The following FAHD1 variants were observed in gnomAD, a reference collection of about 807,000 sequenced individuals.
The protein encoded by FAHD1 is FAH domain containing oxaloacetate decarboxylase 1.
A neutral mutation model predicts 12.7 loss-of-function variants in FAHD1; 14 were observed. The observed-to-expected ratio is 1.10, with a 90% CI of 0.73 to 1.72. The LOEUF (loss-of-function observed/expected upper bound fraction) is 1.72, where lower values mean the gene tolerates loss of function less well. FAHD1 is among the 40% of genes most tolerant of loss of function. The pLI is 0.00. For synonymous variants in FAHD1, 153 were observed against 124.9 expected (o/e 1.22, Z -1.50); for missense variants, 351 against 298.9 (o/e 1.17, Z -1.29).
chr16:1,833,227 G>C (rs545127506), downstream of FAHD1, among the ~76,000 whole-genome samples: 2 of 152,150 alleles, frequency 1.3e-5, no homozygotes, highest in Non-Finnish European at 2.9e-5. Flanking sequence ...AGTGGCAGCT[G>C]TCGTCCTCAT....
intron 2 of FAHD1, among the ~76,000 whole-genome samples, chr16:1,838,451 G>C (rs776706678): frequency 6.6e-6 from 1 of 152,160 alleles, no homozygotes; most frequent in Non-Finnish European, 1.5e-5. Flanking sequence ...TCATGAGCTG[G>C]TTTTAACAAT....
chr16:1,835,855 C>G (rs1018825226), intron 1 of FAHD1, among the ~76,000 whole-genome samples: 1 of 138,400 alleles, frequency 7.2e-6, no homozygotes, highest in Non-Finnish European at 1.5e-5. Context: ...TCTTCCAATT[C>G]CTTTTTCTTT....
chr16:1,831,752 T>G (rs1231654132), downstream of FAHD1, among the ~76,000 whole-genome samples: 1 of 152,106 alleles, frequency 6.6e-6, no homozygotes, highest in African/African-American at 2.4e-5. Flanking sequence ...GAGTTCTGCT[T>G]CCCGTCAGAT....
intron 2 of FAHD1, chr16:1,838,155 G>T: frequency 1.9e-6 from 1 of 514,546 alleles, no homozygotes; most frequent in South Asian, 3.5e-5. Flanking sequence ...CTCTTCTCTG[G>T]CTAATTGTTT....
At chr16:1,827,723 T>C in exon 1 of FAHD1, 2 of 1,614,166 alleles carry the variant, frequency 1.2e-6, no homozygotes, top group Admixed American at 1.7e-5. Context: ...ACATCCTCCA[T>C]GATTTTTTCC....
At chr16:1,831,164 ATG>A (rs1898615489), downstream of FAHD1, among the ~76,000 whole-genome samples, 1 of 152,224 alleles carries the variant, frequency 6.6e-6, no homozygotes, top group Non-Finnish European at 1.5e-5. Flanking sequence ...TTATAAAAAA[ATG>A]AGTATTACAC....
At position 1,835,858 on chromosome 16, in the gene FAHD1, TTTTC is replaced by T. The variant is rs1281487845; in HGVS notation, c.628-2154_628-2151del. The stretch of plus-strand genomic sequence containing the variant: ...CTATGTATCTATTCTTCCAATTCCT[TTTTC>T]TTTTTTTTTTTTTTTGAGACACAGT... On this transcript the variant is annotated intron_variant, in intron 1 of 2. Coordinates refer to the FAHD1 transcript ENST00000382666. Among the ~76,000 whole-genome samples, 513 of 129,016 alleles carry T rather than the reference TTTTC, an allele frequency of 4.0e-3. 3 individuals are homozygous for T. Among genetic ancestry groups the T allele is most frequent in the African/African-American group, 0.014 (492 of 33,938 alleles). 84.6% of individuals were successfully genotyped at this position (129,016 alleles called of 152,430 possible).
At position 1,839,287 on chromosome 16, in the gene FAHD1, C is replaced by T. The variant is rs777438650; in HGVS notation, c.*34C>T. ...CCCAAAGTCTCCTCAGCAACACTTC[C>T]TGTGAGACTACAGGAATGAAGGGTG... is the stretch of plus-strand genomic sequence containing the variant. On this transcript the variant is annotated 3_prime_UTR_variant, in exon 3 of 3. Coordinates refer to the FAHD1 transcript ENST00000382666. The T allele has an allele frequency of 1.8e-4, 292 of 1,613,424 alleles. 2 individuals are homozygous for T. The highest frequency in any genetic ancestry group is 2.4e-4 in the Non-Finnish European group (287 of 1,179,816).
downstream of FAHD1, among the ~76,000 whole-genome samples, chr16:1,829,874 TC>T (rs201352506): frequency 6.6e-6 from 1 of 152,068 alleles, no homozygotes; most frequent in African/African-American, 2.4e-5. Context: ...CTTTCTTTTT[TC>T]TTTTTGAGAT....
intron 1 of FAHD1, chr16:1,834,444 T>C (rs1316395807): frequency 3.9e-6 from 3 of 762,516 alleles, no homozygotes; most frequent in Non-Finnish European, 6.8e-6. Flanking sequence ...AAATCAATGA[T>C]CACGAATAGA....
chr16:1,838,857 A>G (rs1898820107), intron 2 of FAHD1, among the ~76,000 whole-genome samples: 1 of 151,932 alleles, frequency 6.6e-6, no homozygotes, highest in Non-Finnish European at 1.5e-5. Context: ...ACACCCAGCT[A>G]ATTTTTGTAT....
At chr16:1,830,377 G>A (rs1375934361), downstream of FAHD1, among the ~76,000 whole-genome samples, 3 of 152,248 alleles carry the variant, frequency 2.0e-5, no homozygotes, top group Non-Finnish European at 2.9e-5. Context: ...AAGTGGAAGA[G>A]TTGGATCAAA....
chr16:1,830,790 C>G (rs143695332), downstream of FAHD1, among the ~76,000 whole-genome samples: 3 of 152,250 alleles, frequency 2.0e-5, no homozygotes, highest in South Asian at 6.2e-4. Context: ...ATACAATGAA[C>G]TCCATATGCC....
At chr16:1,839,210 T>C in intron 2 of FAHD1, 1 of 1,497,476 alleles carries the variant, frequency 6.7e-7, no homozygotes, top group Non-Finnish European at 8.9e-7. Flanking sequence ...GAAAAAGCAT[T>C]CACTTTGGAA....
exon 2 of FAHD1, chr16:1,838,030 T>C: frequency 7.4e-7 from 1 of 1,356,714 alleles, no homozygotes; most frequent in Non-Finnish European, 9.9e-7. Context: ...AGGGTCTCAC[T>C]CTGTCGCCCA....
Position 1,834,348 on chromosome 16 carries a change from C to A in FAHD1, c.628-3668C>A, listed in dbSNP as rs1028403928. On this transcript the variant is annotated intron_variant, in intron 1 of 2. Coordinates refer to the FAHD1 transcript ENST00000382666. ...ACACTAATTTTCAATCCACTCCTTG[C>A]TCTGTGTGATAGAACGAACTGCGAG... 5.0e-6 allele frequency: 8 copies of A among 1,607,952 alleles called. No individual in the cohort carries two copies. The African/African-American group carries it at 9.4e-5, about 19-fold the overall frequency.
intron 1 of FAHD1, chr16:1,837,975 T>C: frequency 6.9e-7 from 1 of 1,443,606 alleles, no homozygotes; most frequent in African/African-American, 1.4e-5. Flanking sequence ...TGAAATTTTA[T>C]TTGCAGTAAT....
exon 1 of FAHD1, chr16:1,827,360 T>A (rs1294582512): frequency 6.2e-7 from 1 of 1,612,910 alleles, no homozygotes; most frequent in African/African-American, 1.3e-5. Context: ...GAGCCCGTGC[T>A]GTTCCTGAAG....
chr16:1,829,209 G>A (rs562935781), downstream of FAHD1, among the ~76,000 whole-genome samples: 1 of 152,190 alleles, frequency 6.6e-6, no homozygotes, highest in Non-Finnish European at 1.5e-5. Flanking sequence ...AGGGGTTCCT[G>A]TTCGCGTTCA....
Sources: allele counts gnomAD v4.1 joint callset (sites outside exome capture counted in the v4.1 genomes callset), GRCh38; gene constraint gnomAD v4.1.1; transcripts MANE v1.5; gene names NCBI Gene and HGNC (gene_info 2026-07-23, HGNC 2026-07-21).